The following FSTL5 variants were observed in gnomAD, a reference collection of about 807,000 sequenced individuals.
FSTL5 encodes the protein follistatin-related protein 5.
Under a neutral mutation model 89.1 loss-of-function variants are expected in FSTL5, and 62 were observed. The ratio of observed to expected loss-of-function variants is 0.70; its 90% CI spans 0.57 to 0.86. The LOEUF is 0.86. Among genes scored for constraint, FSTL5 ranks in the 40% least tolerant of loss-of-function variants. FSTL5 has a pLI of 0.00. For missense variants in FSTL5, 1,057 were observed against 1,001.6 expected, an observed-to-expected ratio of 1.06 and a Z score of -0.75; for synonymous variants, 383 against 346.2, an observed-to-expected ratio of 1.11 and a Z score of -1.18.
chr4:161,449,091 A>G (rs1439904166), intron 15 of FSTL5, among the ~76,000 whole-genome samples: 1 of 152,186 alleles, frequency 6.6e-6, no homozygotes, highest in Non-Finnish European at 1.5e-5. Context: ...TGGCATTTTC[A>G]GGATTTTATA....
At chr4:162,154,529 C>T (rs1255102560) in intron 1 of FSTL5, among the ~76,000 whole-genome samples, 2 of 152,052 alleles carry the variant, frequency 1.3e-5, no homozygotes, top group Non-Finnish European at 1.5e-5. Context: ...ATGTTAAATA[C>T]AAGTTTCTGA....
At chr4:161,620,425 T>G (rs918369488) in intron 7 of FSTL5, among the ~76,000 whole-genome samples, 1 of 152,110 alleles carries the variant, frequency 6.6e-6, no homozygotes, top group African/African-American at 2.4e-5. Flanking sequence ...GAGGCCAAGA[T>G]GGGCAGGTCA....
intron 4 of FSTL5, among the ~76,000 whole-genome samples, chr4:161,853,002 T>C (rs1731604115): frequency 6.6e-6 from 1 of 152,198 alleles, no homozygotes; most frequent in South Asian, 2.1e-4. Context: ...CAAATAAAAG[T>C]TGAAGGGAAA....
rs554667191 is a variant in FSTL5 at position 161,546,676 on chromosome 4, T to C, written c.1016-3983A>G. ...AGCAGAACCTACACAAAAAGTAGTA[T>C]AAAATCTAAAAAGTCTTATAACATT... is the stretch of plus-strand genomic sequence containing the variant. On this transcript the variant is annotated intron_variant, in intron 8 of 15. Coordinates refer to ENST00000306100, the MANE Select transcript of FSTL5 (RefSeq NM_020116.5). Among the ~76,000 whole-genome samples the C allele has an allele frequency of 2.9e-4, 44 of 152,052 alleles. No individual in the cohort carries two copies. In the South Asian group the frequency reaches 8.7e-3, roughly 30 times the overall value.
chr4:161,866,148 A>G (rs1001850007), intron 4 of FSTL5, among the ~76,000 whole-genome samples: 4 of 152,224 alleles, frequency 2.6e-5, no homozygotes, highest in Non-Finnish European at 5.9e-5. Context: ...CCTTTTAAAA[A>G]TTACACTCCA....
At chr4:161,539,683 T>A (rs1731750795) in intron 9 of FSTL5, among the ~76,000 whole-genome samples, 1 of 152,028 alleles carries the variant, frequency 6.6e-6, no homozygotes. Context: ...TGAGTGCAAC[T>A]GTATTCTAAA....
At chr4:161,772,212 C>T (rs1741234719) in intron 5 of FSTL5, among the ~76,000 whole-genome samples, 2 of 151,944 alleles carry the variant, frequency 1.3e-5, no homozygotes, top group African/African-American at 4.8e-5. Flanking sequence ...TTTATAAAAC[C>T]CAGGGACAAA....
intron 1 of FSTL5, among the ~76,000 whole-genome samples, chr4:162,122,467 G>A (rs1421405788): frequency 1.3e-5 from 2 of 151,958 alleles, no homozygotes; most frequent in Non-Finnish European, 2.9e-5. Context: ...TCATGGTCTT[G>A]TAGTTTCTTT....
chr4:161,660,662 C>A (rs759963472), intron 6 of FSTL5, among the ~76,000 whole-genome samples: 40 of 151,940 alleles, frequency 2.6e-4, no homozygotes, highest in Non-Finnish European at 4.9e-4. Context: ...GTGTGTTGTT[C>A]CCATCTATGT....
intron 7 of FSTL5, among the ~76,000 whole-genome samples, chr4:161,597,405 C>T (rs1734055823): frequency 6.9e-6 from 1 of 145,752 alleles, no homozygotes; most frequent in African/African-American, 2.6e-5. Flanking sequence ...CGCATGTTCT[C>T]ACTCGTAGGT....
At chr4:161,516,226 A>T (rs1730824294) in intron 10 of FSTL5, among the ~76,000 whole-genome samples, 1 of 149,014 alleles carries the variant, frequency 6.7e-6, no homozygotes, top group African/African-American at 2.4e-5. Context: ...CCTTATTTCT[A>T]TTAGGGTATT....
chr4:161,534,693 A>G, intron 10 of FSTL5, among the ~76,000 whole-genome samples: 1 of 152,134 alleles, frequency 6.6e-6, no homozygotes, highest in South Asian at 2.1e-4. Context: ...CCAAAATACC[A>G]ATGTTGTATC....
intron 12 of FSTL5, among the ~76,000 whole-genome samples, chr4:161,488,689 A>C (rs79944428): frequency 0.033 from 5,030 of 152,228 alleles, 238 homozygotes; most frequent in African/African-American, 0.11. Context: ...ATATTTGAAA[A>C]GGTGAAGTGA....
chr4:161,990,430 A>C (rs932759345), intron 3 of FSTL5, among the ~76,000 whole-genome samples: 50 of 152,166 alleles, frequency 3.3e-4, no homozygotes, highest in African/African-American at 1.2e-3. Flanking sequence ...TATTTAAAGC[A>C]TTTTAAATAT....
intron 15 of FSTL5, among the ~76,000 whole-genome samples, chr4:161,433,621 T>C (rs758064949): frequency 6.6e-6 from 1 of 152,114 alleles, no homozygotes; most frequent in Admixed American, 6.5e-5. Context: ...AGTCAAATTA[T>C]CCTTGTATGC....
At chr4:161,562,744 A>G (rs181848579) in intron 8 of FSTL5, among the ~76,000 whole-genome samples, 98 of 152,114 alleles carry the variant, frequency 6.4e-4, no homozygotes, top group African/African-American at 2.3e-3. Context: ...TATACAGTGC[A>G]GTGGTGTTAA....
intron 2 of FSTL5, among the ~76,000 whole-genome samples, chr4:162,068,397 C>T (rs988451516): frequency 6.6e-6 from 1 of 152,066 alleles, no homozygotes; most frequent in Non-Finnish European, 1.5e-5. Flanking sequence ...AATAAGATCG[C>T]ACATCTACAA....
Position 161,782,119 on chromosome 4 carries a change from CCA to C in FSTL5, c.410-6047_410-6046del, listed in dbSNP as rs748775155. Among the ~76,000 whole-genome samples the C allele has an allele frequency of 3.9e-5, 6 of 152,210 alleles. No individual in the cohort carries two copies. In the East Asian group the frequency reaches 7.7e-4, roughly 20 times the overall value. ...AATAATATTCCATTGTATGGATGTA[CCA>C]CAGTTTATCCATTCACCTGTTGAAG... On this transcript the variant is annotated intron_variant, in intron 4 of 15. Coordinates refer to ENST00000306100, the MANE Select transcript of FSTL5 (RefSeq NM_020116.5).
intron 2 of FSTL5, among the ~76,000 whole-genome samples, chr4:162,049,737 A>G (rs1384459934): frequency 6.6e-6 from 1 of 152,138 alleles, no homozygotes; most frequent in East Asian, 1.9e-4. Flanking sequence ...CAGAAGTACA[A>G]TTTCCATACA....
Sources: gnomAD v4.1 joint callset for allele counts (sites outside exome capture counted in the v4.1 genomes callset) on GRCh38, gnomAD v4.1.1 for gene constraint, MANE v1.5 for transcripts, NCBI Gene and HGNC (gene_info 2026-07-23, HGNC 2026-07-21) for gene names.